The following CORO2A variants were observed in gnomAD, a reference collection of about 807,000 sequenced individuals.
CORO2A encodes coronin-2A.
Under a neutral mutation model 62.4 loss-of-function variants are expected in CORO2A, and 47 were observed. That is an observed-to-expected ratio of 0.75 (90% CI 0.60 to 0.96). The LOEUF is 0.96. Among genes scored for constraint, CORO2A ranks in the 40% least tolerant of loss-of-function variants. The probability of loss-of-function intolerance (pLI) is 0.00; values close to 1 mark genes in which losing one functional copy is unlikely to be tolerated. For synonymous variants in CORO2A, 273 were observed against 268.9 expected (o/e 1.02, Z -0.15); for missense variants, 610 against 684.1 (o/e 0.89, Z 1.21).
At chr9:98,184,805 T>C (rs1276826762) in intron 1 of CORO2A, among the ~76,000 whole-genome samples, 1 of 152,210 alleles carries the variant, frequency 6.6e-6, no homozygotes, top group Non-Finnish European at 1.5e-5. Flanking sequence ...GATTTGATTG[T>C]AGCCCTTTCA....
At chr9:98,141,141 T>C (rs192268480) in intron 2 of CORO2A, among the ~76,000 whole-genome samples, 16 of 151,988 alleles carry the variant, frequency 1.1e-4, no homozygotes, top group African/African-American at 3.9e-4. Flanking sequence ...AAGGAAAGAA[T>C]GTGGACTTGT....
intron 2 of CORO2A, among the ~76,000 whole-genome samples, chr9:98,152,415 G>A (rs926382656): frequency 3.3e-5 from 5 of 151,736 alleles, no homozygotes; most frequent in African/African-American, 9.7e-5. Flanking sequence ...TCAGCCTTCT[G>A]AGTAGCTGGG....
chr9:98,121,097 AAAC>A lies in CORO2A; in HGVS notation c.*3674_*3676del, dbSNP rs1489211548. The A allele has an allele frequency of 1.3e-5, 2 of 152,256 alleles. No individual in the cohort carries two copies. The highest frequency in any genetic ancestry group is 2.9e-5 in the Non-Finnish European group (2 of 68,044). 9.4% of individuals were successfully genotyped at this position (152,256 alleles called of 1,614,324 possible). A position where few individuals can be genotyped will look rare whatever the true frequency, so the allele number is the denominator to read the frequency against. ...TTCACAAAGGTACAAGGAATTTCAG[AAAC>A]AACATTAAAACAATCATTCAAACTG... On this transcript the variant is annotated 3_prime_UTR_variant, in exon 12 of 12. Transcript: ENST00000375077.
intron 1 of CORO2A, among the ~76,000 whole-genome samples, chr9:98,163,751 A>T (rs1045533001): frequency 7.1e-5 from 10 of 140,900 alleles, no homozygotes; most frequent in South Asian, 2.4e-4. Flanking sequence ...TGAGAGAGAG[A>T]GAGAGAGAGA....
chr9:98,154,547 G>C (rs765054716), intron 2 of CORO2A, among the ~76,000 whole-genome samples: 1 of 151,680 alleles, frequency 6.6e-6, no homozygotes, highest in Non-Finnish European at 1.5e-5. Context: ...CTTTCCAGTC[G>C]TAACCCTCTC....
intron 2 of CORO2A, among the ~76,000 whole-genome samples, chr9:98,151,015 T>C (rs752181596): frequency 3.9e-5 from 6 of 152,214 alleles, no homozygotes; most frequent in Middle Eastern, 3.2e-3. Context: ...AGACAGCTGC[T>C]CTCTGCATTG....
intron 11 of CORO2A, among the ~76,000 whole-genome samples, chr9:98,125,918 A>G (rs1827310645): frequency 6.6e-6 from 1 of 151,740 alleles, no homozygotes. Context: ...GGGTTTCGCC[A>G]TGTTGGCCAG....
rs1003530886 is a variant in CORO2A, at chr9:98,122,475, C to T, written c.*2299G>A. 6.6e-6 allele frequency: 1 copy of T among 152,112 alleles called. No homozygotes were observed. The highest frequency in any genetic ancestry group is 2.4e-5 in the African/African-American group (1 of 41,412). 9.4% of individuals were successfully genotyped at this position (152,112 alleles called of 1,614,324 possible). On this transcript the variant is annotated 3_prime_UTR_variant, in exon 12 of 12. Coordinates refer to ENST00000375077, the MANE Select transcript of CORO2A (RefSeq NM_052820.4). The stretch of plus-strand genomic sequence containing the variant: ...GCCCTGTGCAATGGAGATCATCTGC[C>T]CCTCCTTGGTAAGGAGGGACCAATT...
At chr9:98,190,014 A>C (rs1564223381) in intron 1 of CORO2A, among the ~76,000 whole-genome samples, 1 of 152,054 alleles carries the variant, frequency 6.6e-6, no homozygotes, top group Non-Finnish European at 1.5e-5. Flanking sequence ...CCTCCCGAGT[A>C]GCTGGGATTA....
chr9:98,129,294 T>C (rs956687910), intron 8 of CORO2A, among the ~76,000 whole-genome samples: 6 of 152,196 alleles, frequency 3.9e-5, no homozygotes, highest in South Asian at 2.1e-4. Flanking sequence ...CCGCTCCAGA[T>C]TCCTTTTGAG....
At chr9:98,154,689 T>C (rs956793504) in intron 2 of CORO2A, among the ~76,000 whole-genome samples, 4 of 152,228 alleles carry the variant, frequency 2.6e-5, no homozygotes, top group Non-Finnish European at 5.9e-5. Context: ...TTAAGGTTAA[T>C]TAAATGATAT....
chr9:98,137,032 T>C (rs993226573), intron 3 of CORO2A, among the ~76,000 whole-genome samples: 1 of 152,048 alleles, frequency 6.6e-6, no homozygotes, highest in Admixed American at 6.6e-5. Context: ...ATTTTAGAAG[T>C]GGGTACAAAA....
rs751800 is a variant in CORO2A at position 98,122,282 on chromosome 9, C to A, written c.*2492G>T. ...CAGATCACCTGTGGAGCTTATATGA[C>A]CATACAGGCCCTACTCTGGAGATTC... On this transcript the variant is annotated 3_prime_UTR_variant, in exon 12 of 12. Transcript: ENST00000375077. 0.83 allele frequency: 125,904 copies of A among 152,214 alleles called. 52,749 individuals are homozygous for A. The highest frequency in any genetic ancestry group is 0.96 in the East Asian group (4,956 of 5,186). 9.4% of individuals were successfully genotyped at this position (152,214 alleles called of 1,614,324 possible).
chr9:98,179,460 G>C (rs1828148824), intron 1 of CORO2A, among the ~76,000 whole-genome samples: 1 of 152,124 alleles, frequency 6.6e-6, no homozygotes, highest in African/African-American at 2.4e-5. Flanking sequence ...GCCTCCTCCA[G>C]GCTGTCCTCA....
intron 2 of CORO2A, among the ~76,000 whole-genome samples, chr9:98,154,440 C>T (rs1827776383): frequency 6.7e-6 from 1 of 149,626 alleles, no homozygotes; most frequent in African/African-American, 2.5e-5. Flanking sequence ...AAATTATCAG[C>T]TTAACAAATT....
At chr9:98,153,999 T>C (rs2476443) in intron 2 of CORO2A, among the ~76,000 whole-genome samples, 109,500 of 151,820 alleles carry the variant, frequency 0.72, 39,961 homozygotes, top group East Asian at 0.96. Flanking sequence ...TGATGATTTA[T>C]CTTTATAGAT....
chr9:98,161,364 G>A (rs1827883445), intron 1 of CORO2A, among the ~76,000 whole-genome samples: 1 of 152,116 alleles, frequency 6.6e-6, no homozygotes, highest in African/African-American at 2.4e-5. Flanking sequence ...GACCAGCCTG[G>A]CCAACATGGT....
chr9:98,134,681 T>C, intron 4 of CORO2A, 125 bp downstream of exon 4: 21 of 1,132,438 alleles, frequency 1.9e-5, no homozygotes, highest in Non-Finnish European at 2.4e-5. Context: ...TGGAGGGAGC[T>C]GGCTCTCCCA....
intron 1 of CORO2A, among the ~76,000 whole-genome samples, chr9:98,172,297 C>T (rs1195128782): frequency 2.9e-5 from 4 of 136,138 alleles, no homozygotes; most frequent in Non-Finnish European, 4.8e-5. Flanking sequence ...CCCCACGCCC[C>T]ACTTCCGAGC....
Sources: allele counts gnomAD v4.1 joint callset (sites outside exome capture counted in the v4.1 genomes callset), GRCh38; gene constraint gnomAD v4.1.1; transcripts MANE v1.5; gene names NCBI Gene and HGNC (gene_info 2026-07-23, HGNC 2026-07-21).